TMC1: variants seen among roughly 807,000 people sequenced by gnomAD.
TMC1 encodes the protein transmembrane channel like 1.
In TMC1, 84 loss-of-function variants were observed where a neutral mutation model predicts 105.8. The observed-to-expected ratio is 0.79, with a 90% CI of 0.67 to 0.95. The LOEUF is 0.95. TMC1 is among the 40% of genes least tolerant of loss of function. TMC1 has a pLI of 0.00. For missense variants in TMC1, 817 were observed against 914.1 expected (o/e 0.89, Z 1.37); for synonymous variants, 315 against 311.5 (o/e 1.01, Z -0.12).
chr9:72,782,408 G>C (rs1032018859), intron 13 of TMC1, among the ~76,000 whole-genome samples: 1 of 152,130 alleles, frequency 6.6e-6, no homozygotes, highest in Admixed American at 6.5e-5. Context: ...ACAAGACAAG[G>C]ATACCCACCC....
intron 17 of TMC1, among the ~76,000 whole-genome samples, chr9:72,799,584 TA>T (rs1480535044): frequency 6.6e-6 from 1 of 152,114 alleles, no homozygotes; most frequent in Non-Finnish European, 1.5e-5. Context: ...GGGAACCAGA[TA>T]AATCCCCCCT....
At chr9:72,605,353 G>A (rs969039794) in intron 2 of TMC1, among the ~76,000 whole-genome samples, 1 of 152,114 alleles carries the variant, frequency 6.6e-6, no homozygotes, top group Non-Finnish European at 1.5e-5. Flanking sequence ...TTATTTGTTT[G>A]CTAGGGCTGC....
chr9:72,770,445 G>A (rs150613539), intron 12 of TMC1, among the ~76,000 whole-genome samples: 1 of 138,978 alleles, frequency 7.2e-6, no homozygotes, highest in African/African-American at 2.7e-5. Flanking sequence ...TTGAGACGGG[G>A]TCTCACTTTG....
chr9:72,617,908 GGTGTGTGTGTGTGTGT>G (rs58657161), intron 3 of TMC1, among the ~76,000 whole-genome samples: 14,233 of 144,390 alleles, frequency 0.099, 803 homozygotes, highest in African/African-American at 0.15. Flanking sequence ...GTCTATGTGT[GGTGTGTGTGTGTGTGT>G]GTGTGTGTGT....
At chr9:72,668,049 G>A (rs1188474359) in intron 5 of TMC1, among the ~76,000 whole-genome samples, 2 of 150,110 alleles carry the variant, frequency 1.3e-5, no homozygotes, top group African/African-American at 2.5e-5. Context: ...TTTTTTCCTA[G>A]TTAGATTGTG....
chr9:72,699,251 C>G (rs1468215876), intron 7 of TMC1, among the ~76,000 whole-genome samples: 1 of 152,058 alleles, frequency 6.6e-6, no homozygotes, highest in Non-Finnish European at 1.5e-5. Context: ...ATACTAGGAA[C>G]ACAGAAAAGA....
At chr9:72,695,193 A>G (rs973503823) in intron 7 of TMC1, among the ~76,000 whole-genome samples, 2 of 152,164 alleles carry the variant, frequency 1.3e-5, no homozygotes, top group African/African-American at 4.8e-5. Context: ...CATCTCACTC[A>G]AAGCTTAAAA....
chr9:72,678,876 C>T (rs1292363505), intron 5 of TMC1, among the ~76,000 whole-genome samples: 1 of 152,040 alleles, frequency 6.6e-6, no homozygotes, highest in Non-Finnish European at 1.5e-5. Flanking sequence ...GAATCATACA[C>T]ATAAATTCTT....
At chr9:72,699,707 A>G (rs1345397101) in intron 7 of TMC1, among the ~76,000 whole-genome samples, 1 of 152,158 alleles carries the variant, frequency 6.6e-6, no homozygotes, top group Non-Finnish European at 1.5e-5. Context: ...CTGTAATCCC[A>G]GCACATTGGG....
intron 5 of TMC1, among the ~76,000 whole-genome samples, chr9:72,676,860 T>TTATGTG (rs1318361282): frequency 1.3e-5 from 2 of 152,146 alleles, no homozygotes; most frequent in African/African-American, 4.8e-5. Flanking sequence ...AAACGTGTGT[T>TTATGTG]TATGTGTATT....
At chr9:72,573,146 C>T (rs1016670120) in intron 1 of TMC1, among the ~76,000 whole-genome samples, 1 of 152,062 alleles carries the variant, frequency 6.6e-6, no homozygotes, top group African/African-American at 2.4e-5. Flanking sequence ...TATGCATTTT[C>T]TATTCATATA....
chr9:72,815,000 A>G (rs182789384), intron 18 of TMC1, among the ~76,000 whole-genome samples: 2 of 150,476 alleles, frequency 1.3e-5, no homozygotes, highest in Admixed American at 1.3e-4. Flanking sequence ...ACCTGGAGAT[A>G]ATAAGATCTG....
In TMC1 at chr9:72,792,186, T is replaced by G; in HGVS notation, c.1405-5T>G. The G allele has an allele frequency of 1.9e-6, 3 of 1,614,152 alleles. No homozygotes were observed. The highest frequency in any genetic ancestry group is 2.5e-6 in the Non-Finnish European group (3 of 1,180,006). ...CATTTTAGTTTCTATCTCTTTGCTT[T>G]CTAGATTGAAGAGGAGAAGCTAGTA... On this transcript the variant is annotated splice_polypyrimidine_tract_variant and splice_region_variant and intron_variant, in intron 16 of 23. Transcript: ENST00000297784.
chr9:72,608,262 T>C (rs1824958671), intron 2 of TMC1, among the ~76,000 whole-genome samples: 1 of 152,234 alleles, frequency 6.6e-6, no homozygotes, highest in Non-Finnish European at 1.5e-5. Flanking sequence ...CTCATGTTCG[T>C]ATTCTTCAAC....
At chr9:72,718,646 T>C (rs1185805378) in intron 8 of TMC1, among the ~76,000 whole-genome samples, 2 of 152,118 alleles carry the variant, frequency 1.3e-5, no homozygotes, top group African/African-American at 2.4e-5. Flanking sequence ...GCCTTAGTTG[T>C]AGTTGTTTAA....
At chr9:72,801,024 C>T (rs917751492) in intron 17 of TMC1, among the ~76,000 whole-genome samples, 1 of 152,210 alleles carries the variant, frequency 6.6e-6, no homozygotes, top group Admixed American at 6.5e-5. Context: ...GATATGCACC[C>T]TCATTCATTG....
intron 1 of TMC1, among the ~76,000 whole-genome samples, chr9:72,566,100 G>A (rs905820205): frequency 6.6e-6 from 1 of 152,326 alleles, no homozygotes; most frequent in Admixed American, 6.5e-5. Context: ...CATGACCATA[G>A]CTCATTGCAG....
chr9:72,773,824 C>T (rs1564545399), intron 13 of TMC1, among the ~76,000 whole-genome samples: 2 of 152,278 alleles, frequency 1.3e-5, no homozygotes, highest in East Asian at 3.9e-4. Flanking sequence ...GTGTACCCCA[C>T]AGCCATTCTG....
At chr9:72,538,650 G>A (rs1313178863) in intron 1 of TMC1, among the ~76,000 whole-genome samples, 1 of 152,082 alleles carries the variant, frequency 6.6e-6, no homozygotes, top group African/African-American at 2.4e-5. Flanking sequence ...TGTTGGCCAG[G>A]CTGGTCTTGA....
Sources: gnomAD v4.1 joint callset for allele counts (sites outside exome capture counted in the v4.1 genomes callset) on GRCh38, gnomAD v4.1.1 for gene constraint, MANE v1.5 for transcripts, NCBI Gene and HGNC (gene_info 2026-07-23, HGNC 2026-07-21) for gene names.